Variants in INPP5F observed in about 807,000 individuals in gnomAD.
The protein encoded by INPP5F is phosphatidylinositide 4-phosphatase SAC2.
A neutral mutation model predicts 137.2 loss-of-function variants in INPP5F; 97 were observed. That is an observed-to-expected ratio of 0.71 (90% CI 0.60 to 0.84). INPP5F has a LOEUF of 0.84. Ranked by LOEUF, INPP5F falls within the 40% of genes least tolerant of loss-of-function variation. INPP5F has a pLI of 0.00. For synonymous variants in INPP5F, 504 were observed against 476.9 expected (o/e 1.06, Z -0.74); for missense variants, 1,271 against 1,371.9 (o/e 0.93, Z 1.16).
Position 119,811,943 on chromosome 10 carries a change from A to G in INPP5F, c.1874A>G (p.Asp625Gly). The G allele has an allele frequency of 6.2e-7, 1 of 1,614,032 alleles. No homozygotes were observed. The highest frequency in any genetic ancestry group is 8.5e-7 in the Non-Finnish European group (1 of 1,179,900). The change falls in exon 15 of 20, where the codon GAC (aspartate) becomes GGC (glycine). Residue 625 changes from aspartate (D) to glycine (G), a missense_variant. Coordinates refer to ENST00000650623, the MANE Select transcript of INPP5F (RefSeq NM_014937.4). ...TTCCATGGGGGCTGGGCCCTCATTG[A>G]CTGTGACCCTAGGTGAGTTGGAGTG... ...EKFHGGWALIDCDPSLIDATH... is the reference protein window; with the variant it reads ...EKFHGGWALIGCDPSLIDATH...
intron 2 of INPP5F, among the ~76,000 whole-genome samples, chr10:119,758,923 A>T (rs573481180): frequency 1.3e-5 from 2 of 152,216 alleles, no homozygotes; most frequent in Non-Finnish European, 2.9e-5. Flanking sequence ...AGACTTTGCT[A>T]TGGCACTAGT....
Position 119,803,133 on chromosome 10 carries a change from T to C in INPP5F, c.1117-1040T>C, listed in dbSNP as rs188740798. Among the ~76,000 whole-genome samples the C allele has an allele frequency of 1.2e-3, 181 of 152,330 alleles. 2 individuals carry two copies. The highest frequency in any genetic ancestry group is 4.1e-3 in the African/African-American group (172 of 41,578). ...AGGTATATTCTCCTAGGTAGCACTT[T>C]GCTTTCTTACCTTTGCTTATACTGT... On this transcript the variant is annotated intron_variant, in intron 9 of 19. Coordinates refer to ENST00000650623, the MANE Select transcript of INPP5F (RefSeq NM_014937.4).
At chr10:119,782,639 G>T (rs1409506891) in intron 3 of INPP5F, among the ~76,000 whole-genome samples, 1 of 152,100 alleles carries the variant, frequency 6.6e-6, no homozygotes, top group Non-Finnish European at 1.5e-5. Flanking sequence ...AACATAGCCA[G>T]ACCTTGTCTT....
chr10:119,742,682 A>G (rs1848410635), intron 1 of INPP5F, among the ~76,000 whole-genome samples: 1 of 152,148 alleles, frequency 6.6e-6, no homozygotes, highest in African/African-American at 2.4e-5. Flanking sequence ...TGGTAGAGAA[A>G]CTTATGGTGT....
chr10:119,760,702 A>G (rs1417848395), intron 2 of INPP5F, among the ~76,000 whole-genome samples: 1 of 152,252 alleles, frequency 6.6e-6, no homozygotes, highest in Non-Finnish European at 1.5e-5. Context: ...GCAAAAAATG[A>G]AGGTTATTTA....
intron 1 of INPP5F, among the ~76,000 whole-genome samples, chr10:119,749,936 G>T (rs530916638): frequency 7.2e-5 from 11 of 152,152 alleles, no homozygotes; most frequent in African/African-American, 2.7e-4. Flanking sequence ...GTGCCACCAT[G>T]CCTGGCTAAT....
intron 3 of INPP5F, among the ~76,000 whole-genome samples, chr10:119,785,852 C>T (rs1320730763): frequency 6.6e-6 from 1 of 152,038 alleles, no homozygotes; most frequent in Non-Finnish European, 1.5e-5. Context: ...GAGTGAGACC[C>T]TGTCTCTAAA....
chr10:119,821,337 C>CGTGTGTGTGT lies in INPP5F; in HGVS notation c.1958+434_1958+443dup, dbSNP rs3067616. 2.4e-3 allele frequency among the ~76,000 whole-genome samples: 355 copies of CGTGTGTGTGT among 150,046 alleles called. 16 individuals carry two copies. The South Asian group carries it at 0.071, about 30-fold the overall frequency. The stretch of plus-strand genomic sequence containing the variant: ...TGATGCAGTTGTCTTTATGCAATAA[C>CGTGTGTGTGT]GTGTGTGTGTGTGTGTGTGTGTGCA... On this transcript the variant is annotated intron_variant, in intron 16 of 19. Transcript: ENST00000650623.
At chr10:119,765,890 GA>G (rs1849151177) in intron 2 of INPP5F, among the ~76,000 whole-genome samples, 2 of 146,106 alleles carry the variant, frequency 1.4e-5, no homozygotes, top group South Asian at 4.2e-4. Flanking sequence ...TAGAGAGAGA[GA>G]GAGAGAGACG....
At chr10:119,757,722 T>C (rs1182491846) in intron 2 of INPP5F, among the ~76,000 whole-genome samples, 1 of 151,786 alleles carries the variant, frequency 6.6e-6, no homozygotes, top group African/African-American at 2.4e-5. Context: ...ACCCGGGAGG[T>C]GGATGCTGCA....
intron 9 of INPP5F, among the ~76,000 whole-genome samples, chr10:119,801,570 C>T (rs1350632229): frequency 6.6e-6 from 1 of 152,022 alleles, no homozygotes; most frequent in Non-Finnish European, 1.5e-5. Flanking sequence ...TAGAGCCTGT[C>T]TGTACAAAAA....
chr10:119,812,755 T>C (rs1189524551), intron 15 of INPP5F, among the ~76,000 whole-genome samples: 1 of 152,258 alleles, frequency 6.6e-6, no homozygotes, highest in Admixed American at 6.5e-5. Flanking sequence ...AATACTGTTA[T>C]GTATGGATAT....
chr10:119,795,690 G>A (rs1329923267), intron 6 of INPP5F, among the ~76,000 whole-genome samples: 1 of 152,182 alleles, frequency 6.6e-6, no homozygotes, highest in Non-Finnish European at 1.5e-5. Context: ...GCCGGGCAGA[G>A]GCTGCAATCT....
rs187352272 is a variant in INPP5F at position 119,812,089 on chromosome 10, T to C, written c.1886+134T>C. The C allele has an allele frequency of 1.0e-5, 7 of 675,986 alleles. No individual in the cohort carries two copies. In the African/African-American group the frequency reaches 1.3e-4, roughly 12 times the overall value. 41.9% of individuals were successfully genotyped at this position (675,986 alleles called of 1,614,324 possible). On this transcript the variant is annotated intron_variant, in intron 15 of 19. Coordinates refer to ENST00000650623, the MANE Select transcript of INPP5F (RefSeq NM_014937.4). ...CGTGACTATTTCCTCTATGAGCTGGTAGTGAGGCAAGCTGACTGAGGCACT... is the reference window on the plus strand; with the variant it reads ...CGTGACTATTTCCTCTATGAGCTGGCAGTGAGGCAAGCTGACTGAGGCACT...
In INPP5F at chr10:119,806,348, A is replaced by AT. The variant is rs1335462756; in HGVS notation, c.1320-7dup. ...TTATATTGTAAAATAATTCTGTATT[A>AT]TTTTTAAAAAGGGTTGATGAAGCTG... On this transcript the variant is annotated splice_polypyrimidine_tract_variant and intron_variant, in intron 11 of 19. Coordinates refer to ENST00000650623, the MANE Select transcript of INPP5F (RefSeq NM_014937.4). 6.7e-7 allele frequency: 1 copy of AT among 1,500,892 alleles called. No homozygotes were observed. Among genetic ancestry groups the AT allele is most frequent in the Non-Finnish European group, 9.0e-7 (1 of 1,116,956 alleles). 93.0% of individuals were successfully genotyped at this position (1,500,892 alleles called of 1,614,324 possible).
rs888706314 is a variant in INPP5F, at chr10:119,769,369, G to A, written c.179-12266G>A. ...GCTGGTCTCAAACTCCTGAGCTCCA[G>A]TGATGCTCCTACCTCAGCCTCCTGA... On this transcript the variant is annotated intron_variant, in intron 2 of 19. Transcript: ENST00000650623. 7.2e-5 allele frequency among the ~76,000 whole-genome samples: 11 copies of A among 152,260 alleles called. No individual in the cohort carries two copies. In the East Asian group the frequency reaches 1.9e-3, roughly 27 times the overall value.
At chr10:119,768,413 G>A (rs981635782) in intron 2 of INPP5F, 20 of 152,374 alleles carry the variant, frequency 1.3e-4, no homozygotes, top group Admixed American at 1.1e-3. Context: ...CAGGTTGCCT[G>A]AGGAGGAGTG....
chr10:119,826,596 T>C, intron 19 of INPP5F, 35 bp from the exon 20 acceptor site: 1 of 1,475,292 alleles, frequency 6.8e-7, no homozygotes, highest in African/African-American at 1.4e-5. Context: ...TTGGATTCCA[T>C]GGGGAATTAA....
At chr10:119,752,420 A>G (rs1160650840) in intron 2 of INPP5F, among the ~76,000 whole-genome samples, 1 of 152,096 alleles carries the variant, frequency 6.6e-6, no homozygotes, top group African/African-American at 2.4e-5. Context: ...CCCTGTCTCT[A>G]CTAAAAATAC....
Sources: gnomAD v4.1 joint callset for allele counts (sites outside exome capture counted in the v4.1 genomes callset) on GRCh38, gnomAD v4.1.1 for gene constraint, MANE v1.5 for transcripts, NCBI Gene and HGNC (gene_info 2026-07-23, HGNC 2026-07-21) for gene names.